Variants in PTPRE observed in about 807,000 individuals in gnomAD.
PTPRE encodes receptor-type tyrosine-protein phosphatase epsilon.
PTPRE carries 51 observed loss-of-function variants against 102.0 expected under a neutral mutation model. That is an observed-to-expected ratio of 0.50 (90% CI 0.40 to 0.63). PTPRE has a LOEUF of 0.63. Ranked by LOEUF, PTPRE falls within the 30% of genes least tolerant of loss-of-function variation. PTPRE has a pLI of 0.00. For synonymous variants in PTPRE, 345 were observed against 348.2 expected (o/e 0.99, Z 0.10); for missense variants, 752 against 915.1 (o/e 0.82, Z 2.30).
intron 17 of PTPRE, 55 bp from the exon 18 acceptor site, chr10:128,076,548 T>G (rs1397466908): frequency 9.2e-6 from 14 of 1,518,144 alleles, no homozygotes; most frequent in Non-Finnish European, 8.8e-7. Flanking sequence ...AAACTCAAAA[T>G]CGCCAGCAGC....
chr10:128,070,824 G>T lies in PTPRE; in HGVS notation c.1310G>T (p.Arg437Leu), dbSNP rs769834080. Residue 437 changes from arginine (R) to leucine (L), a missense_variant, in exon 15 of 21, where the codon CGG (arginine) becomes CTG (leucine). Physicochemically the swap from Arg to Leu is moderately radical, Grantham distance 102. Around this residue, in one of 2 missense-constraint regions of PTPRE, gnomAD observed 636 missense variants for 824.4 expected, o/e 0.77. Coordinates refer to ENST00000254667, the MANE Select transcript of PTPRE (RefSeq NM_006504.6). The surrounding 1 kb of genome is among the most constrained non-coding windows in gnomAD (Gnocchi z 4.8). ...CTGCTGCAGAAATTGACAAATGTCC[G>T]GATCATGAAGGAGAACATGAGGACG... ...EEEFRKLTNV[R>L]IMKENMRTGN... 1 of 1,613,754 alleles carries T rather than the reference G, an allele frequency of 6.2e-7. No individual in the cohort carries two copies. The highest frequency in any genetic ancestry group is 1.3e-5 in the African/African-American group (1 of 74,928).
At chr10:128,078,937 T>C (rs1006912133) in intron 19 of PTPRE, among the ~76,000 whole-genome samples, 1 of 152,232 alleles carries the variant, frequency 6.6e-6, no homozygotes, top group South Asian at 2.1e-4. Flanking sequence ...CCCCACCTCC[T>C]CCAGCCCAGT....
chr10:127,984,786 C>A (rs1471841286), intron 2 of PTPRE, among the ~76,000 whole-genome samples: 7 of 152,192 alleles, frequency 4.6e-5, no homozygotes, highest in Non-Finnish European at 1.5e-5. Flanking sequence ...GTGCCTTTCA[C>A]CTTCAGCCAT....
chr10:127,931,647 G>A (rs575944642), intron 1 of PTPRE, among the ~76,000 whole-genome samples: 4 of 152,196 alleles, frequency 2.6e-5, no homozygotes, highest in African/African-American at 7.2e-5. Flanking sequence ...CCTTTGCATC[G>A]TTACCCAAAT....
chr10:128,031,759 G>C (rs1427201130), intron 2 of PTPRE, among the ~76,000 whole-genome samples: 1 of 152,208 alleles, frequency 6.6e-6, no homozygotes, highest in East Asian at 1.9e-4. Context: ...GGATGAGACT[G>C]AGTAAGGGGA....
chr10:127,955,689 T>C (rs1849350390), intron 1 of PTPRE, among the ~76,000 whole-genome samples: 1 of 152,196 alleles, frequency 6.6e-6, no homozygotes, highest in Non-Finnish European at 1.5e-5. Flanking sequence ...GGAATTATAT[T>C]CATCAGTTTT....
intron 2 of PTPRE, among the ~76,000 whole-genome samples, chr10:128,024,418 G>C (rs899033580): frequency 5.9e-5 from 9 of 152,218 alleles, no homozygotes; most frequent in Non-Finnish European, 1.2e-4. Context: ...TTTCGAGAAG[G>C]TTCCTTGTGT....
intron 2 of PTPRE, among the ~76,000 whole-genome samples, chr10:128,030,243 C>G (rs954494068): frequency 3.9e-5 from 6 of 152,240 alleles, no homozygotes; most frequent in Non-Finnish European, 8.8e-5. Context: ...CGGGGCCACG[C>G]CGTTACAATA....
At chr10:128,063,970 C>T (rs990433462) in intron 10 of PTPRE, among the ~76,000 whole-genome samples, 2 of 152,186 alleles carry the variant, frequency 1.3e-5, no homozygotes, top group African/African-American at 4.8e-5. Flanking sequence ...GTGCTTCTGG[C>T]GTGTTCTGGC....
At chr10:128,079,527 G>C (rs7906264) in intron 19 of PTPRE, 33 bp from the exon 20 acceptor site, 2 of 1,604,580 alleles carry the variant, frequency 1.2e-6, no homozygotes, top group Non-Finnish European at 1.7e-6. Flanking sequence ...AGTGCAAGTC[G>C]GATGATCTGC....
intron 2 of PTPRE, among the ~76,000 whole-genome samples, chr10:128,003,921 C>T (rs566063307): frequency 6.6e-6 from 1 of 152,110 alleles, no homozygotes; most frequent in Non-Finnish European, 1.5e-5. Context: ...ATTGGCAACA[C>T]CCCACCCATT....
intron 2 of PTPRE, among the ~76,000 whole-genome samples, chr10:127,995,341 C>T (rs765438500): frequency 1.3e-5 from 2 of 152,218 alleles, no homozygotes; most frequent in Non-Finnish European, 2.9e-5. Flanking sequence ...GGAGGTGGCT[C>T]AAGTGTCAAG....
At chr10:128,059,474 C>T (rs1337813659) in intron 7 of PTPRE, among the ~76,000 whole-genome samples, 2 of 152,312 alleles carry the variant, frequency 1.3e-5, no homozygotes, top group East Asian at 1.9e-4. Flanking sequence ...GGGGGCTGCC[C>T]GGCTCCCCAT....
chr10:127,984,914 G>A (rs1851954527), intron 2 of PTPRE, among the ~76,000 whole-genome samples: 1 of 152,208 alleles, frequency 6.6e-6, no homozygotes, highest in Admixed American at 6.5e-5. Context: ...TATCACAGCT[G>A]CCAAGGTAGA....
chr10:127,953,578 C>G (rs535777491), intron 1 of PTPRE, among the ~76,000 whole-genome samples: 47 of 152,176 alleles, frequency 3.1e-4, no homozygotes, highest in Non-Finnish European at 5.0e-4. Context: ...AGAAAAGGTC[C>G]TGGAGGCATA....
At chr10:128,030,399 A>AAG (rs370282851) in intron 2 of PTPRE, among the ~76,000 whole-genome samples, 3 of 139,570 alleles carry the variant, frequency 2.1e-5, no homozygotes, top group South Asian at 2.3e-4. Context: ...AGGGAGGGGA[A>AAG]AGAGAGAGAG....
At chr10:128,031,877 C>T (rs927497686) in intron 2 of PTPRE, among the ~76,000 whole-genome samples, 1 of 152,156 alleles carries the variant, frequency 6.6e-6, no homozygotes, top group Non-Finnish European at 1.5e-5. Context: ...TCCAACCACG[C>T]CACCCCTTCT....
At chr10:127,969,510 A>T (rs1011301817) in intron 1 of PTPRE, among the ~76,000 whole-genome samples, 2 of 152,128 alleles carry the variant, frequency 1.3e-5, no homozygotes, top group Admixed American at 6.5e-5. Context: ...TCTACTAAAA[A>T]TACAAAAATT....
intron 1 of PTPRE, among the ~76,000 whole-genome samples, chr10:127,956,070 C>G (rs1014843077): frequency 6.6e-6 from 1 of 152,002 alleles, no homozygotes; most frequent in Non-Finnish European, 1.5e-5. Flanking sequence ...TTTGGTTGTA[C>G]GCAGGATAGC....
Sources: allele counts gnomAD v4.1 joint callset (sites outside exome capture counted in the v4.1 genomes callset), GRCh38; gene constraint gnomAD v4.1.1; regional missense constraint gnomAD v4.1.1; non-coding constraint Gnocchi (gnomAD v3.1); transcripts MANE v1.5; gene names NCBI Gene and HGNC (gene_info 2026-07-23, HGNC 2026-07-21).